Variants in RFTN1 observed in about 807,000 individuals in gnomAD.
The protein encoded by RFTN1 is raftlin, lipid raft linker 1.
Under a neutral mutation model 46.5 loss-of-function variants are expected in RFTN1, and 26 were observed. The ratio of observed to expected loss-of-function variants is 0.56; its 90% CI spans 0.41 to 0.78. The LOEUF (loss-of-function observed/expected upper bound fraction) is 0.78, where lower values mean the gene tolerates loss of function less well. RFTN1 is among the 30% of genes least tolerant of loss of function. The pLI is 0.00. For missense variants in RFTN1, 693 were observed against 718.7 expected, an observed-to-expected ratio of 0.96 and a Z score of 0.41; for synonymous variants, 261 against 284.2, an observed-to-expected ratio of 0.92 and a Z score of 0.82.
rs946416170 is a variant in RFTN1, at chr3:16,449,550, T to C, written c.146-15513A>G. ...CATACACGGGAGCTGCTAAAATCATTGTTGTTATCACCATTATGCATAACC... is the reference window on the plus strand; with the variant it reads ...CATACACGGGAGCTGCTAAAATCATCGTTGTTATCACCATTATGCATAACC... On this transcript the variant is annotated intron_variant, in intron 2 of 9. Transcript: ENST00000334133. This position sits in a 1 kb window ranked among gnomAD's most constrained non-coding sequence, Gnocchi z 5.1. Among the ~76,000 whole-genome samples the C allele has an allele frequency of 6.6e-6, 1 of 152,218 alleles. No homozygotes were observed. Among genetic ancestry groups the C allele is most frequent in the Admixed American group, 6.5e-5 (1 of 15,284 alleles).
intron 4 of RFTN1, among the ~76,000 whole-genome samples, chr3:16,397,618 T>C (rs842489): frequency 0.32 from 48,157 of 151,994 alleles, 9,980 homozygotes; most frequent in African/African-American, 0.59. Context: ...AACTTAAAAA[T>C]AAATAGAAAA....
At chr3:16,462,567 C>G (rs1045218019) in intron 2 of RFTN1, among the ~76,000 whole-genome samples, 45 of 152,202 alleles carry the variant, frequency 3.0e-4, no homozygotes, top group African/African-American at 1.0e-3. Flanking sequence ...AATATGAAGA[C>G]AGAGCAGAGA....
intron 2 of RFTN1, among the ~76,000 whole-genome samples, chr3:16,490,305 A>G (rs1339485171): frequency 6.6e-6 from 1 of 152,216 alleles, no homozygotes; most frequent in Admixed American, 6.5e-5. Flanking sequence ...GTCAAGAAGG[A>G]ACAAATCCAG....
intron 2 of RFTN1, among the ~76,000 whole-genome samples, chr3:16,461,260 A>T (rs1654357985): frequency 6.6e-6 from 1 of 152,234 alleles, no homozygotes; most frequent in Admixed American, 6.5e-5. Flanking sequence ...TCAATAAAAA[A>T]AAACAACTCT....
At chr3:16,505,515 G>A (rs1448356624) in intron 1 of RFTN1, among the ~76,000 whole-genome samples, 1 of 152,160 alleles carries the variant, frequency 6.6e-6, no homozygotes, top group African/African-American at 2.4e-5. Flanking sequence ...GAAATTGGGG[G>A]GCTGACAAGT....
rs753233435 is a variant in RFTN1 at position 16,479,868 on chromosome 3, A to G, written c.145+13857T>C. ...TAGCCATGCAAGGTGCAGCAGGCCA[A>G]AGGCAAATAATGGTAAATCATGGCA... On this transcript the variant is annotated intron_variant, in intron 2 of 9. Coordinates refer to ENST00000334133, the MANE Select transcript of RFTN1 (RefSeq NM_015150.2). The surrounding 1 kb of genome is among the most constrained non-coding windows in gnomAD (Gnocchi z 5.1). Among the ~76,000 whole-genome samples, 4 of 152,244 alleles carry G rather than the reference A, an allele frequency of 2.6e-5. No individual in the cohort carries two copies. Among genetic ancestry groups the G allele is most frequent in the Non-Finnish European group, 5.9e-5 (4 of 68,050 alleles).
chr3:16,486,569 G>A (rs1371935432), intron 2 of RFTN1, among the ~76,000 whole-genome samples: 1 of 152,038 alleles, frequency 6.6e-6, no homozygotes, highest in Non-Finnish European at 1.5e-5. Context: ...CCCATCTTTT[G>A]CCTGACTAAC....
In RFTN1 at chr3:16,319,727, G is replaced by A. The variant is rs75114931; in HGVS notation, c.1333-2495C>T. Among the ~76,000 whole-genome samples, 536 of 152,290 alleles carry A rather than the reference G, an allele frequency of 3.5e-3. 2 individuals are homozygous for A. Among genetic ancestry groups the A allele is most frequent in the African/African-American group, 0.012 (497 of 41,554 alleles). On this transcript the variant is annotated intron_variant, in intron 9 of 9. Coordinates refer to ENST00000334133, the MANE Select transcript of RFTN1 (RefSeq NM_015150.2). ...ATAATACAAAACGAGAACACAAATG[G>A]TAGAAAACAAACAACAAAAACTGTT...
chr3:16,343,006 A>G (rs999406353), intron 7 of RFTN1, among the ~76,000 whole-genome samples: 1 of 151,968 alleles, frequency 6.6e-6, no homozygotes, highest in African/African-American at 2.4e-5. Flanking sequence ...ATGCCCAGCT[A>G]ATTTTTATTT....
Position 16,336,036 on chromosome 3 carries a change from A to C in RFTN1, c.1147-9160T>G, listed in dbSNP as rs1368946562. Among the ~76,000 whole-genome samples, 4 of 152,176 alleles carry C rather than the reference A, an allele frequency of 2.6e-5. No individual in the cohort carries two copies. The highest frequency in any genetic ancestry group is 5.9e-5 in the Non-Finnish European group (4 of 68,030). The stretch of plus-strand genomic sequence containing the variant: ...CTATAGCGGCACTCGAGGAGGGTAG[A>C]GGTCCTGTTCTCCTACGGCCATGGA... On this transcript the variant is annotated intron_variant, in intron 7 of 9. Coordinates refer to ENST00000334133, the MANE Select transcript of RFTN1 (RefSeq NM_015150.2). The surrounding 1 kb of genome is among the most constrained non-coding windows in gnomAD (Gnocchi z 6.0).
At position 16,361,332 on chromosome 3, in the gene RFTN1, T is replaced by C. The variant is rs754616655; in HGVS notation, c.1031-3285A>G. ...TATTATGTGCCAAGTAGTCCTGTAG[T>C]CACTAGAGATCTCACAAGCAGCAAG... On this transcript the variant is annotated intron_variant, in intron 6 of 9. Transcript: ENST00000334133. This position sits in a 1 kb window ranked among gnomAD's most constrained non-coding sequence, Gnocchi z 4.3. 6.6e-5 allele frequency among the ~76,000 whole-genome samples: 10 copies of C among 152,090 alleles called. No individual in the cohort carries two copies. The highest frequency in any genetic ancestry group is 1.3e-4 in the Non-Finnish European group (9 of 68,022).
chr3:16,326,599 C>T (rs73142373), intron 8 of RFTN1, among the ~76,000 whole-genome samples, 174 bp downstream of exon 8: 6,537 of 152,164 alleles, frequency 0.043, 437 homozygotes, highest in African/African-American at 0.15. Flanking sequence ...CTCTGGGTGA[C>T]GGTGGTTAAG....
chr3:16,320,346 G>T lies in RFTN1; in HGVS notation c.1332+3030C>A, dbSNP rs2068904740. On this transcript the variant is annotated intron_variant, in intron 9 of 9. Coordinates refer to ENST00000334133, the MANE Select transcript of RFTN1 (RefSeq NM_015150.2). The surrounding 1 kb of genome is among the most constrained non-coding windows in gnomAD (Gnocchi z 4.5). ...TGCTGATTAAAAGAAGACTAAATAT[G>T]CCACATCCTCGGTGTGCCAATCTTG... 6.6e-6 allele frequency among the ~76,000 whole-genome samples: 1 copy of T among 152,208 alleles called. No individual in the cohort carries two copies. Among genetic ancestry groups the T allele is most frequent in the South Asian group, 2.1e-4 (1 of 4,834 alleles).
At chr3:16,503,242 G>A (rs988798197) in intron 1 of RFTN1, among the ~76,000 whole-genome samples, 1 of 152,176 alleles carries the variant, frequency 6.6e-6, no homozygotes, top group African/African-American at 2.4e-5. Flanking sequence ...CCTCAGACCA[G>A]CAGCAGCATC....
chr3:16,414,930 C>T (rs931775159), intron 3 of RFTN1, among the ~76,000 whole-genome samples: 3 of 152,166 alleles, frequency 2.0e-5, no homozygotes, highest in African/African-American at 4.8e-5. Flanking sequence ...ATAGTATAGA[C>T]ATTCAGGCCA....
At position 16,385,363 on chromosome 3, in the gene RFTN1, C is replaced by T. The variant is rs754201420; in HGVS notation, c.442-7261G>A. Reference sequence around the variant, plus strand: ...TGCAGAAATTGGAAGCTTTGCCAGGCGCTGCTGGATGTTTAGCTCCGTTTT... The same window carrying T: ...TGCAGAAATTGGAAGCTTTGCCAGGTGCTGCTGGATGTTTAGCTCCGTTTT... On this transcript the variant is annotated intron_variant, in intron 4 of 9. Transcript: ENST00000334133. This position sits in a 1 kb window ranked among gnomAD's most constrained non-coding sequence, Gnocchi z 5.0. Among the ~76,000 whole-genome samples, 19 of 152,132 alleles carry T rather than the reference C, an allele frequency of 1.2e-4. No individual in the cohort carries two copies. Among genetic ancestry groups the T allele is most frequent in the Non-Finnish European group, 2.2e-4 (15 of 68,022 alleles).
At chr3:16,463,750 TACCAG>T (rs1273622242) in intron 2 of RFTN1, among the ~76,000 whole-genome samples, 27 of 152,244 alleles carry the variant, frequency 1.8e-4, no homozygotes, top group Non-Finnish European at 3.5e-4. Context: ...TTTGATTGAA[TACCAG>T]ACATCATGTA....
chr3:16,377,729 G>A lies in RFTN1; in HGVS notation c.815C>T (p.Pro272Leu). ...ESNPLEVHEE[P>L]LSGKMEIFTL... Reference sequence around the variant, plus strand: ...GCTGACATACTTACTCCCTGAGAGTGGCTCTTCATGCACCTCCAAGGGGTT... The same window carrying A: ...GCTGACATACTTACTCCCTGAGAGTAGCTCTTCATGCACCTCCAAGGGGTT... The change falls in exon 5 of 10, where the codon CCA becomes CTA. Residue 272 changes from proline to leucine, a missense_variant. By Grantham distance (98) the Pro-to-Leu change is moderately conservative. Transcript: ENST00000334133. 1.3e-6 allele frequency: 2 copies of A among 1,592,762 alleles called. No individual in the cohort carries two copies. Among genetic ancestry groups the A allele is most frequent in the East Asian group, 2.3e-5 (1 of 44,354 alleles).
At chr3:16,487,346 T>C (rs889449562) in intron 2 of RFTN1, among the ~76,000 whole-genome samples, 1 of 152,244 alleles carries the variant, frequency 6.6e-6, no homozygotes, top group Non-Finnish European at 1.5e-5. Flanking sequence ...TGGTACATTG[T>C]TATGACTTAG....
Sources: gnomAD v4.1 joint callset for allele counts (sites outside exome capture counted in the v4.1 genomes callset) on GRCh38, gnomAD v4.1.1 for gene constraint, Gnocchi (gnomAD v3.1) non-coding constraint, MANE v1.5 for transcripts, NCBI Gene and HGNC (gene_info 2026-07-23, HGNC 2026-07-21) for gene names.